SLC44A3: variants seen among roughly 807,000 people sequenced by gnomAD.
SLC44A3 encodes solute carrier family 44 member 3, also known as choline transporter-like protein 3.
SLC44A3 carries 74 observed loss-of-function variants against 75.4 expected under a neutral mutation model. That is an observed-to-expected ratio of 0.98 (90% confidence interval 0.81 to 1.19). The LOEUF (loss-of-function observed/expected upper bound fraction) is 1.19. SLC44A3 is among the 50% of genes most tolerant of loss of function. The pLI, the probability that SLC44A3 is intolerant of heterozygous loss-of-function variation, is 0.00. For missense variants in SLC44A3, 700 were observed against 778.6 expected (o/e 0.90, Z 1.20); for synonymous variants, 310 against 296.9 (o/e 1.04, Z -0.45).
chr1:94,840,661 A>G (rs1341343644), intron 7 of SLC44A3, among the ~76,000 whole-genome samples: 1 of 152,196 alleles, frequency 6.6e-6, no homozygotes, highest in East Asian at 1.9e-4. Flanking sequence ...TCCTGTATCC[A>G]TAACGTTAAA....
intron 9 of SLC44A3, among the ~76,000 whole-genome samples, chr1:94,849,652 T>C (rs1664940446): frequency 6.6e-6 from 1 of 152,214 alleles, no homozygotes; most frequent in Non-Finnish European, 1.5e-5. Flanking sequence ...TCATTCCACG[T>C]CCCACAGGCA....
chr1:94,871,755 A>G (rs1158996856), intron 12 of SLC44A3, among the ~76,000 whole-genome samples: 2 of 152,232 alleles, frequency 1.3e-5, no homozygotes, highest in South Asian at 2.1e-4. Flanking sequence ...GCAGGATTCC[A>G]TAGGTTTTTC....
intron 6 of SLC44A3, among the ~76,000 whole-genome samples, 197 bp downstream of exon 6, chr1:94,838,068 A>G (rs1663060578): frequency 6.6e-6 from 1 of 152,244 alleles, no homozygotes. Context: ...TCTGGCAGAA[A>G]GCCTCAGTGG....
At chr1:94,867,089 C>T (rs1667245253) in intron 11 of SLC44A3, among the ~76,000 whole-genome samples, 1 of 151,820 alleles carries the variant, frequency 6.6e-6, no homozygotes, top group African/African-American at 2.4e-5. Flanking sequence ...TTTTGCTGTT[C>T]AGTATGGACT....
chr1:94,864,166 G>A (rs1245190178), intron 10 of SLC44A3, among the ~76,000 whole-genome samples: 1 of 152,048 alleles, frequency 6.6e-6, no homozygotes, highest in African/African-American at 2.4e-5. Context: ...GACAAGTCCC[G>A]TAAATGATTC....
At chr1:94,877,147 C>A (rs1668381496) in intron 12 of SLC44A3, among the ~76,000 whole-genome samples, 1 of 121,076 alleles carries the variant, frequency 8.3e-6, no homozygotes, top group Non-Finnish European at 2.0e-5. Context: ...AGGTCGGGGG[C>A]AGACCTGGAC....
At chr1:94,860,847 G>A (rs1033664748) in intron 10 of SLC44A3, among the ~76,000 whole-genome samples, 1 of 152,192 alleles carries the variant, frequency 6.6e-6, no homozygotes, top group Non-Finnish European at 1.5e-5. Context: ...TCAGAAAACA[G>A]GCTTGAGCAG....
chr1:94,824,601 G>GC lies in SLC44A3; in HGVS notation c.248dup (p.Leu84SerfsTer39). 1 of 1,608,408 alleles carries GC rather than the reference G, an allele frequency of 6.2e-7. No homozygotes were observed. The highest frequency in any genetic ancestry group is 8.5e-7 in the Non-Finnish European group (1 of 1,178,142). ...CAAGAAGAACTCCCCCGTGGAAGGG[G>GC]CCCCTCTTTCAGGGCAGGACATGAC... On this transcript the variant is annotated frameshift_variant, in exon 3 of 15. Coordinates refer to ENST00000271227, the MANE Select transcript of SLC44A3 (RefSeq NM_001114106.3). LOFTEE classifies it high-confidence loss of function.
rs753295329 is a variant in SLC44A3, at chr1:94,845,451, C to T, written c.1059C>T (p.Ser353=). 6.2e-7 allele frequency: 1 copy of T among 1,611,200 alleles called. No homozygotes were observed. The highest frequency in any genetic ancestry group is 8.5e-7 in the Non-Finnish European group (1 of 1,179,634). ...FWVLWVAVLL[S]LGTAGAAQVM... ...TCCTCTGGGTGGCTGTGCTGCTGAG[C>T]CTGGGAACTGCAGGTAAGGGACAGT... The change falls in exon 9 of 15, where the codon AGC becomes AGT. Residue 353 remains serine, a synonymous_variant. Transcript: ENST00000271227.
intron 12 of SLC44A3, among the ~76,000 whole-genome samples, chr1:94,874,116 A>C (rs1571395610): frequency 6.6e-6 from 1 of 152,224 alleles, no homozygotes; most frequent in African/African-American, 2.4e-5. Flanking sequence ...CCATTTATAG[A>C]CAATGGTAAT....
intron 12 of SLC44A3, among the ~76,000 whole-genome samples, chr1:94,882,559 C>T (rs193142458): frequency 1.3e-5 from 2 of 152,298 alleles, no homozygotes; most frequent in East Asian, 1.9e-4. Flanking sequence ...AAGGATGTAA[C>T]AGCACTCCAA....
Position 94,875,356 on chromosome 1 carries a change from C to G in SLC44A3, c.1482+7939C>G, listed in dbSNP as rs114995616. Among the ~76,000 whole-genome samples, 207 of 152,308 alleles carry G rather than the reference C, an allele frequency of 1.4e-3. 1 individual carries two copies. The highest frequency in any genetic ancestry group is 1.9e-3 in the Non-Finnish European group (131 of 68,032). On this transcript the variant is annotated intron_variant, in intron 12 of 14. Transcript: ENST00000271227. ...GGGCACTCCTTCCACAGGGTAGGGACTCAGAAGCCCAGAACTTTAGAGATC... is the reference window on the plus strand; with the variant it reads ...GGGCACTCCTTCCACAGGGTAGGGAGTCAGAAGCCCAGAACTTTAGAGATC...
intron 12 of SLC44A3, among the ~76,000 whole-genome samples, chr1:94,883,445 G>C (rs968929799): frequency 3.3e-5 from 5 of 152,166 alleles, no homozygotes; most frequent in Non-Finnish European, 5.9e-5. Flanking sequence ...GGTTGAGGCT[G>C]TAGTGAGCCA....
At chr1:94,860,373 A>G (rs993014645) in intron 10 of SLC44A3, among the ~76,000 whole-genome samples, 1 of 152,202 alleles carries the variant, frequency 6.6e-6, no homozygotes, top group Admixed American at 6.5e-5. Context: ...AAAATAAGAG[A>G]GAAAGGATTA....
chr1:94,869,408 GGATA>G (rs1272738919), intron 12 of SLC44A3, among the ~76,000 whole-genome samples: 2 of 152,176 alleles, frequency 1.3e-5, no homozygotes, highest in African/African-American at 4.8e-5. Context: ...GTGCAAACAG[GGATA>G]GGTCTTTCAG....
chr1:94,875,492 A>G (rs1310492558), intron 12 of SLC44A3, among the ~76,000 whole-genome samples: 1 of 151,814 alleles, frequency 6.6e-6, no homozygotes, highest in Non-Finnish European at 1.5e-5. Flanking sequence ...CCTATCCTGC[A>G]TCTTCTCTTC....
intron 14 of SLC44A3, 134 bp from the exon 15 acceptor site, chr1:94,894,681 TCTC>T (rs1299190500): frequency 1.5e-6 from 1 of 658,900 alleles, no homozygotes; most frequent in African/African-American, 1.8e-5. Flanking sequence ...ATATGCCATT[TCTC>T]CTGTTAATCT....
chr1:94,835,213 G>A (rs942437394), intron 5 of SLC44A3, among the ~76,000 whole-genome samples: 4 of 152,204 alleles, frequency 2.6e-5, no homozygotes, highest in African/African-American at 4.8e-5. Flanking sequence ...ACTTTGAGAG[G>A]CAGAGGTGGG....
intron 12 of SLC44A3, among the ~76,000 whole-genome samples, chr1:94,880,837 C>T (rs1162036550): frequency 6.7e-6 from 1 of 149,798 alleles, no homozygotes; most frequent in African/African-American, 2.5e-5. Flanking sequence ...ATACTTAACA[C>T]TACTGAACTC....
Sources: allele counts gnomAD v4.1 joint callset (sites outside exome capture counted in the v4.1 genomes callset), GRCh38; gene constraint gnomAD v4.1.1; transcripts MANE v1.5; gene names NCBI Gene and HGNC (gene_info 2026-07-23, HGNC 2026-07-21).